The following NPAS3 variants were observed in gnomAD, a reference collection of about 807,000 sequenced individuals.
NPAS3 encodes neuronal PAS domain-containing protein 3.
Under a neutral mutation model 73.1 loss-of-function variants are expected in NPAS3, and 14 were observed. The ratio of observed to expected loss-of-function variants is 0.19; its 90% confidence interval spans 0.13 to 0.30. The LOEUF is 0.30. Ranked by LOEUF, NPAS3 falls within the 10% of genes least tolerant of loss-of-function variation. NPAS3 has a pLI of 1.00. For missense variants in NPAS3, 1,096 were observed against 1,250.0 expected (o/e 0.88, Z 1.86); for synonymous variants, 620 against 541.5 (o/e 1.14, Z -2.01).
chr14:33,121,445 C>T (rs2043227817), intron 2 of NPAS3, among the ~76,000 whole-genome samples: 1 of 152,114 alleles, frequency 6.6e-6, no homozygotes, highest in African/African-American at 2.4e-5. Flanking sequence ...CCCCACTAGA[C>T]TGATTGCTCC....
chr14:33,010,841 G>A (rs557173873), intron 1 of NPAS3, among the ~76,000 whole-genome samples: 12 of 151,736 alleles, frequency 7.9e-5, no homozygotes, highest in East Asian at 1.9e-4. Context: ...AGGCTGAAGC[G>A]GGGGGATCGC....
At chr14:33,779,232 G>A (rs1392931998) in intron 9 of NPAS3, among the ~76,000 whole-genome samples, 1 of 152,196 alleles carries the variant, frequency 6.6e-6, no homozygotes, top group African/African-American at 2.4e-5. Context: ...GACCTTCTGT[G>A]CATGTGAGCA....
intron 3 of NPAS3, among the ~76,000 whole-genome samples, chr14:33,224,332 G>A (rs191506700): frequency 6.6e-6 from 1 of 152,274 alleles, no homozygotes; most frequent in Non-Finnish European, 1.5e-5. Context: ...GATTGAAATT[G>A]TACTGTGGCT....
At chr14:33,230,650 A>G (rs1594457325) in intron 3 of NPAS3, among the ~76,000 whole-genome samples, 1 of 152,362 alleles carries the variant, frequency 6.6e-6, no homozygotes, top group East Asian at 1.9e-4. Context: ...AGAGAAGACC[A>G]TAGAGTATTT....
At chr14:33,267,954 A>G (rs1394973024) in intron 3 of NPAS3, among the ~76,000 whole-genome samples, 1 of 152,216 alleles carries the variant, frequency 6.6e-6, no homozygotes, top group Non-Finnish European at 1.5e-5. Flanking sequence ...CTACTTGTCC[A>G]TACAACAAGT....
At chr14:33,027,338 G>A (rs1566480938) in intron 1 of NPAS3, among the ~76,000 whole-genome samples, 1 of 152,106 alleles carries the variant, frequency 6.6e-6, no homozygotes, top group Non-Finnish European at 1.5e-5. Context: ...TGAGTCAGGA[G>A]GAATACGAAT....
rs530644823 is a variant in NPAS3 at position 33,362,575 on chromosome 14, A to G, written c.386-4611A>G. ...GCCAAAGCCCAGGAAGTCAATGTCC[A>G]GGGATTCCATTAAGCATGCCCTTTA... On this transcript the variant is annotated intron_variant, in intron 3 of 11. Transcript: ENST00000356141. 4.6e-5 allele frequency among the ~76,000 whole-genome samples: 7 copies of G among 152,240 alleles called. No individual in the cohort carries two copies. In the East Asian group the frequency reaches 5.8e-4, roughly 13 times the overall value.
At chr14:33,459,017 T>G (rs2139469374) in intron 4 of NPAS3, among the ~76,000 whole-genome samples, 1 of 152,354 alleles carries the variant, frequency 6.6e-6, no homozygotes, top group South Asian at 2.1e-4. Context: ...TGGTTGTTTC[T>G]TGATGATATG....
At chr14:33,186,356 T>A (rs1358135363) in intron 2 of NPAS3, among the ~76,000 whole-genome samples, 2 of 152,196 alleles carry the variant, frequency 1.3e-5, no homozygotes, top group Non-Finnish European at 2.9e-5. Context: ...GTAGAGATGG[T>A]CTGGTCACCA....
chr14:33,552,803 A>G (rs1463571907), intron 4 of NPAS3, among the ~76,000 whole-genome samples: 9 of 152,136 alleles, frequency 5.9e-5, no homozygotes, highest in Admixed American at 5.9e-4. Flanking sequence ...TGTTTATATT[A>G]CTTCTGCCAA....
At chr14:33,090,877 A>C (rs527402978) in intron 2 of NPAS3, among the ~76,000 whole-genome samples, 2 of 152,352 alleles carry the variant, frequency 1.3e-5, no homozygotes, top group Admixed American at 6.5e-5. Flanking sequence ...GAAACTGAAC[A>C]ACCTGCTCCT....
chr14:33,099,318 A>G (rs2042515365), intron 2 of NPAS3, among the ~76,000 whole-genome samples: 1 of 152,324 alleles, frequency 6.6e-6, no homozygotes, highest in Non-Finnish European at 1.5e-5. Context: ...AAAGCCATGG[A>G]CATCTTAATA....
At chr14:33,118,205 T>C (rs2043127590) in intron 2 of NPAS3, among the ~76,000 whole-genome samples, 1 of 152,040 alleles carries the variant, frequency 6.6e-6, no homozygotes. Flanking sequence ...TAATATTATA[T>C]AATATTGCAA....
intron 1 of NPAS3, among the ~76,000 whole-genome samples, chr14:32,980,363 C>T (rs2037847907): frequency 6.6e-6 from 1 of 152,104 alleles, no homozygotes; most frequent in South Asian, 2.1e-4. Context: ...TAACGCACTA[C>T]ATTTTTGAAT....
At chr14:33,289,596 A>G (rs1435577658) in intron 3 of NPAS3, among the ~76,000 whole-genome samples, 1 of 152,080 alleles carries the variant, frequency 6.6e-6, no homozygotes, top group Non-Finnish European at 1.5e-5. Flanking sequence ...TGAGGTGGGC[A>G]GATGGCCTGA....
At chr14:33,448,050 T>G (rs563738324) in intron 4 of NPAS3, among the ~76,000 whole-genome samples, 3 of 152,116 alleles carry the variant, frequency 2.0e-5, no homozygotes, top group Non-Finnish European at 4.4e-5. Context: ...TTTGGGTAGA[T>G]AGTGATAATG....
chr14:33,714,244 C>G (rs1028543729), intron 6 of NPAS3, among the ~76,000 whole-genome samples: 2 of 152,084 alleles, frequency 1.3e-5, no homozygotes, highest in Non-Finnish European at 2.9e-5. Flanking sequence ...TTCATACCAT[C>G]TAGCACACTA....
intron 3 of NPAS3, among the ~76,000 whole-genome samples, chr14:33,249,743 C>T (rs913618601): frequency 2.6e-5 from 4 of 152,014 alleles, no homozygotes; most frequent in African/African-American, 7.2e-5. Flanking sequence ...ATTGATGCTG[C>T]GTTTTAATGA....
chr14:33,551,865 T>A (rs1316761870), intron 4 of NPAS3, among the ~76,000 whole-genome samples: 1 of 152,200 alleles, frequency 6.6e-6, no homozygotes, highest in Non-Finnish European at 1.5e-5. Context: ...TCCACGCGTT[T>A]CCCCAAAACA....
Sources: allele counts gnomAD v4.1 joint callset (sites outside exome capture counted in the v4.1 genomes callset), GRCh38; gene constraint gnomAD v4.1.1; transcripts MANE v1.5; gene names NCBI Gene and HGNC (gene_info 2026-07-23, HGNC 2026-07-21).